The following FBXO42 variants were observed in gnomAD, a reference collection of about 807,000 sequenced individuals.
FBXO42 encodes the protein F-box protein 42.
Under a neutral mutation model 71.7 loss-of-function variants are expected in FBXO42, and 12 were observed. That is an observed-to-expected ratio of 0.17 (90% CI 0.11 to 0.27). FBXO42 has a LOEUF of 0.27. Ranked by LOEUF, FBXO42 falls within the 10% of genes least tolerant of loss-of-function variation. The probability of loss-of-function intolerance (pLI) is 1.00; values close to 1 mark genes in which losing one functional copy is unlikely to be tolerated. For missense variants in FBXO42, 707 were observed against 911.9 expected, an observed-to-expected ratio of 0.78 and a Z score of 2.89; for synonymous variants, 325 against 327.5, an observed-to-expected ratio of 0.99 and a Z score of 0.08.
chr1:16,300,602 T>G (rs908606390), intron 3 of FBXO42, among the ~76,000 whole-genome samples: 1 of 152,196 alleles, frequency 6.6e-6, no homozygotes, highest in Non-Finnish European at 1.5e-5. Context: ...TATGCTGTCA[T>G]GTGTCTCACA....
At chr1:16,302,902 C>G (rs2082210141) in intron 3 of FBXO42, among the ~76,000 whole-genome samples, 1 of 152,156 alleles carries the variant, frequency 6.6e-6, no homozygotes, top group South Asian at 2.1e-4. Context: ...ATCCAGTCTC[C>G]TCCCACCAGG....
intron 1 of FBXO42, among the ~76,000 whole-genome samples, chr1:16,329,128 A>T (rs2100604233): frequency 6.9e-6 from 1 of 144,094 alleles, no homozygotes; most frequent in African/African-American, 2.6e-5. Context: ...GTGCCACTGC[A>T]CTCCAGCCTG....
intron 2 of FBXO42, among the ~76,000 whole-genome samples, chr1:16,309,120 T>A (rs1452839840): frequency 7.9e-6 from 1 of 127,302 alleles, no homozygotes; most frequent in Non-Finnish European, 1.6e-5. Context: ...TAGGCTGGAG[T>A]GCTGTGGCGC....
chr1:16,304,113 A>ATT (rs141862662), intron 3 of FBXO42, among the ~76,000 whole-genome samples: 13 of 127,504 alleles, frequency 1.0e-4, no homozygotes, highest in African/African-American at 3.3e-4. Context: ...CCAAATTTGT[A>ATT]TTTTTTTTTT....
rs528411874 is a variant in FBXO42 at position 16,352,335 on chromosome 1, G to A, written c.-98C>T. The A allele has an allele frequency of 1.6e-3, 642 of 397,958 alleles. 1 individual carries two copies. Among genetic ancestry groups the A allele is most frequent in the Middle Eastern group, 6.3e-3 (10 of 1,588 alleles). 24.7% of individuals were successfully genotyped at this position (397,958 alleles called of 1,614,324 possible). ...GAGCCAGGGACAGGGCCAGAGCAGA[G>A]GCGCTCTGCCTCAGGCCGCGACAGC... On this transcript the variant is annotated 5_prime_UTR_variant, in exon 1 of 10. Coordinates refer to ENST00000375592, the MANE Select transcript of FBXO42 (RefSeq NM_018994.3).
At chr1:16,261,712 T>G (rs1272784909) in intron 4 of FBXO42, among the ~76,000 whole-genome samples, 2 of 152,080 alleles carry the variant, frequency 1.3e-5, no homozygotes, top group South Asian at 2.1e-4. Flanking sequence ...CAATTTTTTT[T>G]TTTTGTTTTT....
chr1:16,292,366 G>A (rs187697671), intron 4 of FBXO42: 6 of 151,860 alleles, frequency 4.0e-5, no homozygotes, highest in Admixed American at 6.6e-5. Context: ...TCGCCTAGGC[G>A]TCTGGGCTTA....
chr1:16,275,730 C>CAA (rs1236992379), intron 4 of FBXO42, among the ~76,000 whole-genome samples: 5 of 152,098 alleles, frequency 3.3e-5, no homozygotes, highest in Non-Finnish European at 7.3e-5. Flanking sequence ...CAAAGGAGGC[C>CAA]AGGAGTGGTT....
At chr1:16,320,149 CAGG>C (rs1236676965) in intron 1 of FBXO42, among the ~76,000 whole-genome samples, 1 of 151,904 alleles carries the variant, frequency 6.6e-6, no homozygotes, top group Admixed American at 6.6e-5. Context: ...CACCTGAGGT[CAGG>C]AGTTCAAGAC....
At chr1:16,275,594 G>C (rs1449665864) in intron 4 of FBXO42, among the ~76,000 whole-genome samples, 2 of 152,052 alleles carry the variant, frequency 1.3e-5, no homozygotes, top group African/African-American at 2.4e-5. Context: ...ATTCCACTCA[G>C]GGACAAAAAG....
At chr1:16,308,531 A>C (rs1270860883) in intron 2 of FBXO42, among the ~76,000 whole-genome samples, 9 of 124,154 alleles carry the variant, frequency 7.2e-5, no homozygotes, top group Admixed American at 3.0e-4. Context: ...ACTGAGTCTC[A>C]CTCTGTCACC....
intron 4 of FBXO42, among the ~76,000 whole-genome samples, chr1:16,264,524 T>C (rs2081750566): frequency 6.6e-6 from 1 of 152,222 alleles, no homozygotes; most frequent in South Asian, 2.1e-4. Context: ...AAGGGTGTCA[T>C]TCCCATTGAG....
At chr1:16,272,431 G>A (rs1328761214) in intron 4 of FBXO42, among the ~76,000 whole-genome samples, 1 of 151,886 alleles carries the variant, frequency 6.6e-6, no homozygotes, top group East Asian at 2.0e-4. Flanking sequence ...AGCTAATTTT[G>A]TATTTTAAGT....
At chr1:16,331,511 T>C (rs1399888793) in intron 1 of FBXO42, among the ~76,000 whole-genome samples, 1 of 151,202 alleles carries the variant, frequency 6.6e-6, no homozygotes, top group African/African-American at 2.4e-5. Flanking sequence ...TCCCAGCAAT[T>C]TGGGAGGCCA....
chr1:16,347,191 G>A (rs1309818788), intron 1 of FBXO42, among the ~76,000 whole-genome samples: 1 of 151,972 alleles, frequency 6.6e-6, no homozygotes, highest in Non-Finnish European at 1.5e-5. Context: ...CACCTTTGAA[G>A]CAAAACACTG....
intron 3 of FBXO42, among the ~76,000 whole-genome samples, chr1:16,297,875 A>C (rs1425877649): frequency 1.3e-5 from 2 of 150,848 alleles, no homozygotes; most frequent in Non-Finnish European, 3.0e-5. Flanking sequence ...TCAAAAAAAA[A>C]AAAAAAAAAA....
At chr1:16,316,105 G>A (rs1177382420) in intron 1 of FBXO42, among the ~76,000 whole-genome samples, 1 of 144,484 alleles carries the variant, frequency 6.9e-6, no homozygotes, top group Non-Finnish European at 1.5e-5. Context: ...GGGAGGCAGA[G>A]TTGCAGTGAG....
intron 1 of FBXO42, among the ~76,000 whole-genome samples, chr1:16,332,671 G>A (rs1322465072): frequency 6.6e-6 from 1 of 151,816 alleles, no homozygotes; most frequent in Non-Finnish European, 1.5e-5. Context: ...CTGCTGAACA[G>A]CTGGGATTAC....
At chr1:16,328,213 C>A (rs2082467099) in intron 1 of FBXO42, among the ~76,000 whole-genome samples, 1 of 152,032 alleles carries the variant, frequency 6.6e-6, no homozygotes. Flanking sequence ...CTGGGGGATC[C>A]TAGATTATGA....
Sources: gnomAD v4.1 joint callset for allele counts (sites outside exome capture counted in the v4.1 genomes callset) on GRCh38, gnomAD v4.1.1 for gene constraint, MANE v1.5 for transcripts, NCBI Gene and HGNC (gene_info 2026-07-23, HGNC 2026-07-21) for gene names.